The following LARP4B variants were observed in gnomAD, a reference collection of about 807,000 sequenced individuals.
LARP4B encodes La ribonucleoprotein 4B.
Under a neutral mutation model 89.8 loss-of-function variants are expected in LARP4B, and 12 were observed. That is an observed-to-expected ratio of 0.13 (90% confidence interval 0.09 to 0.22). The LOEUF (loss-of-function observed/expected upper bound fraction) is 0.22, where lower values mean the gene tolerates loss of function less well. Ranked by LOEUF, LARP4B falls within the 10% of genes least tolerant of loss-of-function variation. The probability of loss-of-function intolerance (pLI) is 1.00; values close to 1 mark genes in which losing one functional copy is unlikely to be tolerated. For missense variants in LARP4B, 757 were observed against 947.7 expected, an observed-to-expected ratio of 0.80 and a Z score of 2.64; for synonymous variants, 367 against 363.3, an observed-to-expected ratio of 1.01 and a Z score of -0.12.
rs796842787 is a variant in LARP4B at position 810,296 on chromosome 10, A to T, written c.*2630T>A. 2.0e-5 allele frequency: 3 copies of T among 152,104 alleles called. No individual in the cohort carries two copies. Among genetic ancestry groups the T allele is most frequent in the Admixed American group, 1.3e-4 (2 of 15,278 alleles). The allele number at this position is 152,104 out of a possible 1,614,324, so 9.4% of individuals were successfully genotyped here. A position where few individuals can be genotyped will look rare whatever the true frequency, so the allele number is the denominator to read the frequency against. Reference sequence around the variant, plus strand: ...ATTTTCTTCTGAGCAGAAACTCTTGAAGTAGTATCAGGTTTTTTCAGACAT... The same window carrying T: ...ATTTTCTTCTGAGCAGAAACTCTTGTAGTAGTATCAGGTTTTTTCAGACAT... On this transcript the variant is annotated 3_prime_UTR_variant, in exon 18 of 18. Transcript: ENST00000316157.
chr10:825,663 T>A (rs1832580367), intron 12 of LARP4B, 101 bp downstream of exon 12: 1 of 754,516 alleles, frequency 1.3e-6, no homozygotes, highest in Admixed American at 2.5e-5. Flanking sequence ...CAGGTGGCTC[T>A]GTCTGCGAGG....
chr10:822,438 G>A lies in LARP4B; in HGVS notation c.1485-1593C>T, dbSNP rs189165958. Among the ~76,000 whole-genome samples, 30 of 152,312 alleles carry A rather than the reference G, an allele frequency of 2.0e-4. No individual in the cohort carries two copies. Among genetic ancestry groups the A allele is most frequent in the Admixed American group, 1.6e-3 (25 of 15,298 alleles). ...CACCCATCCCTTGGAACACAGCGGT[G>A]TCCAGGACACAGACCTGCCTGCCAT... On this transcript the variant is annotated intron_variant, in intron 13 of 17. Coordinates refer to ENST00000316157, the MANE Select transcript of LARP4B (RefSeq NM_015155.3). This position sits in a 1 kb window ranked among gnomAD's most constrained non-coding sequence, Gnocchi z 4.6.
intron 3 of LARP4B, chr10:873,064 T>C (rs1835305114): frequency 1.0e-6 from 1 of 985,424 alleles, no homozygotes; most frequent in Non-Finnish European, 1.2e-6. Flanking sequence ...CTGGTTCCTT[T>C]TCCTCCACAG....
intron 1 of LARP4B, among the ~76,000 whole-genome samples, chr10:900,137 GGAGTTTGA>G (rs1836294480): frequency 6.6e-6 from 1 of 152,066 alleles, no homozygotes; most frequent in Non-Finnish European, 1.5e-5. Flanking sequence ...TCTGAGGTCA[GGAGTTTGA>G]GACAAGCCTG....
At chr10:967,649 C>T in the LARP4B span, among the ~76,000 whole-genome samples, 1 of 152,296 alleles carries the variant, frequency 6.6e-6, no homozygotes, top group Middle Eastern at 3.4e-3. Context: ...GAATCGGAAG[C>T]CAGCCTGACA....
At chr10:807,545 C>A (rs559390018), downstream of LARP4B, 1 of 152,382 alleles carries the variant, frequency 6.6e-6, no homozygotes, top group Non-Finnish European at 1.5e-5. Flanking sequence ...TCCTGCAAGC[C>A]CCTCTGGGTG....
intron 5 of LARP4B, among the ~76,000 whole-genome samples, chr10:853,520 A>C (rs866282793): frequency 2.0e-5 from 3 of 152,078 alleles, no homozygotes; most frequent in African/African-American, 7.2e-5. Flanking sequence ...CCTGTCTCTA[A>C]TAAAAATACA....
At chr10:935,616 CAA>C (rs1300039376), upstream of LARP4B, among the ~76,000 whole-genome samples, 1 of 152,046 alleles carries the variant, frequency 6.6e-6, no homozygotes, top group Non-Finnish European at 1.5e-5. Flanking sequence ...GATCTTGGGA[CAA>C]AGTCTCTACC....
At chr10:959,771 ATTCCC>A in the LARP4B span, among the ~76,000 whole-genome samples, 1 of 42,730 alleles carries the variant, frequency 2.3e-5, no homozygotes. Flanking sequence ...CCTCCCCGTC[ATTCCC>A]ACCTCCTCGT....
chr10:920,055 C>T (rs1197372768), intron 1 of LARP4B, among the ~76,000 whole-genome samples: 1 of 152,198 alleles, frequency 6.6e-6, no homozygotes, highest in Admixed American at 6.5e-5. Context: ...TAAAAATCTA[C>T]CTCAAAAAGT....
chr10:877,550 C>G (rs563226418), intron 3 of LARP4B, among the ~76,000 whole-genome samples: 4 of 152,280 alleles, frequency 2.6e-5, no homozygotes, highest in Non-Finnish European at 4.4e-5. Flanking sequence ...AATCCTGGTT[C>G]TACCACTTTT....
the LARP4B span, among the ~76,000 whole-genome samples, chr10:967,374 G>A: frequency 6.6e-6 from 1 of 152,074 alleles, no homozygotes; most frequent in Non-Finnish European, 1.5e-5. Context: ...AAAAGCTTGT[G>A]CAAAAAAATT....
At chr10:986,411 G>C in the LARP4B span, 8 of 152,196 alleles carry the variant, frequency 5.3e-5, no homozygotes, top group Admixed American at 4.6e-4. Flanking sequence ...AAGGCCTTTA[G>C]AGTTTGGCTT....
chr10:881,799 C>T (rs1251805584), intron 3 of LARP4B, among the ~76,000 whole-genome samples: 1 of 152,220 alleles, frequency 6.6e-6, no homozygotes, highest in African/African-American at 2.4e-5. Context: ...GTACCTAAGG[C>T]TCACACACAA....
At chr10:983,338 C>T in the LARP4B span, among the ~76,000 whole-genome samples, 75,975 of 152,074 alleles carry the variant, frequency 0.5, 19,329 homozygotes, top group East Asian at 0.62. Context: ...GAGTCTGCTC[C>T]CTCAATGACC....
intron 14 of LARP4B, chr10:819,678 GCTTGA>G (rs1832243368): frequency 6.6e-6 from 1 of 152,236 alleles, no homozygotes; most frequent in Admixed American, 6.5e-5. Flanking sequence ...GTGTTTAGAT[GCTTGA>G]CTTGTTAGTC....
intron 3 of LARP4B, among the ~76,000 whole-genome samples, chr10:874,288 C>G (rs751373877): frequency 2.0e-5 from 3 of 152,094 alleles, no homozygotes. Context: ...GGGTAATGTT[C>G]AAGTTAATGA....
chr10:830,780 T>C, intron 9 of LARP4B, 87 bp downstream of exon 9: 1 of 670,144 alleles, frequency 1.5e-6, no homozygotes, highest in Non-Finnish European at 2.7e-6. Context: ...ACAAGTAATC[T>C]CAATGCCCAA....
the LARP4B span, among the ~76,000 whole-genome samples, chr10:967,421 G>C: frequency 6.6e-6 from 1 of 152,100 alleles, no homozygotes; most frequent in Non-Finnish European, 1.5e-5. Flanking sequence ...GCAAAAGAAA[G>C]GTTGGAAGAT....
Sources: allele counts gnomAD v4.1 joint callset (sites outside exome capture counted in the v4.1 genomes callset), GRCh38; gene constraint gnomAD v4.1.1; non-coding constraint Gnocchi (gnomAD v3.1); transcripts MANE v1.5; gene names NCBI Gene and HGNC (gene_info 2026-07-23, HGNC 2026-07-21).